Variants in NIFK observed in about 807,000 individuals in gnomAD.
NIFK encodes the protein MKI67 FHA domain-interacting nucleolar phosphoprotein.
NIFK carries 16 observed loss-of-function variants against 31.7 expected under a neutral mutation model. The observed-to-expected ratio is 0.50, with a 90% CI of 0.34 to 0.77. NIFK has a LOEUF of 0.77. Among genes scored for constraint, NIFK ranks in the 30% least tolerant of loss-of-function variants. The pLI, the probability that NIFK is intolerant of heterozygous loss-of-function variation, is 0.01. For missense variants in NIFK, 341 were observed against 350.4 expected (o/e 0.97, Z 0.21); for synonymous variants, 126 against 123.0 (o/e 1.02, Z -0.16).
In NIFK at chr2:121,728,530, G is replaced by A; in HGVS notation, c.571C>T (p.Gln191Ter). 1 of 1,569,226 alleles carries A rather than the reference G, an allele frequency of 6.4e-7. No individual in the cohort carries two copies. The highest frequency in any genetic ancestry group is 8.6e-7 in the Non-Finnish European group (1 of 1,156,834). The change falls in exon 5 of 7, where the codon CAG becomes TAG. Residue 191 changes from glutamine to a stop codon, truncating the protein, a stop_gained. Coordinates refer to ENST00000285814, the MANE Select transcript of NIFK (RefSeq NM_032390.5). LOFTEE classifies it high-confidence loss of function. Reference sequence around the variant, plus strand: ...GTTTTTGAAATACTTTCCGTTTTCTGTAAAATCTTTAATAAAGAAGTTAGA... The same window carrying A: ...GTTTTTGAAATACTTTCCGTTTTCTATAAAATCTTTAATAAAGAAGTTAGA... The part of the protein sequence containing the change: ...IDYDFPSLIL[Q>*]KTESISKTNR...
intron 2 of NIFK, among the ~76,000 whole-genome samples, chr2:121,732,793 C>T (rs986091939): frequency 2.6e-5 from 4 of 151,944 alleles, no homozygotes; most frequent in African/African-American, 9.7e-5. Flanking sequence ...CCAGCCTGGT[C>T]AACACGGTGA....
intron 1 of NIFK, among the ~76,000 whole-genome samples, chr2:121,735,999 A>G (rs2074576807): frequency 6.6e-6 from 1 of 152,252 alleles, no homozygotes; most frequent in Non-Finnish European, 1.5e-5. Context: ...ATCAACGGAT[A>G]AGCAAGGACA....
intron 2 of NIFK, among the ~76,000 whole-genome samples, chr2:121,734,606 C>A (rs1220341773): frequency 6.6e-6 from 1 of 152,056 alleles, no homozygotes; most frequent in African/African-American, 2.4e-5. Flanking sequence ...GCCTGGCCAA[C>A]ATAGTGAAAC....
chr2:121,735,812 C>T (rs1441933123), intron 1 of NIFK, 62 bp from the exon 2 acceptor site: 2 of 1,419,490 alleles, frequency 1.4e-6, no homozygotes, highest in African/African-American at 2.9e-5. Context: ...TGTAACAAAA[C>T]CCCTAGCCCT....
At chr2:121,732,791 G>A (rs1400184865) in intron 2 of NIFK, among the ~76,000 whole-genome samples, 1 of 152,102 alleles carries the variant, frequency 6.6e-6, no homozygotes, top group East Asian at 1.9e-4. Flanking sequence ...GACCAGCCTG[G>A]TCAACACGGT....
At chr2:121,735,013 T>G (rs1484952816) in intron 2 of NIFK, among the ~76,000 whole-genome samples, 1 of 152,180 alleles carries the variant, frequency 6.6e-6, no homozygotes, top group African/African-American at 2.4e-5. Context: ...AGAAAGTGGG[T>G]CACTCCTCCA....
chr2:121,727,954 C>T (rs772538838), intron 6 of NIFK, 42 bp from the exon 7 acceptor site: 2 of 1,516,690 alleles, frequency 1.3e-6, no homozygotes, highest in Admixed American at 2.4e-5. Flanking sequence ...AAATGTAAAA[C>T]ATGATTATGA....
intron 4 of NIFK, 167 bp downstream of exon 4, chr2:121,730,726 C>T (rs1217389383): frequency 1.7e-6 from 1 of 602,560 alleles, no homozygotes; most frequent in African/African-American, 2.0e-5. Context: ...CACCTGTAAT[C>T]CCAACTACTT....
intron 4 of NIFK, chr2:121,730,628 G>C: frequency 2.5e-6 from 1 of 397,310 alleles, no homozygotes; most frequent in Admixed American, 4.2e-5. Context: ...TGAATCACCT[G>C]AGGTCAGGAG....
In NIFK at chr2:121,727,901, T is replaced by C; in HGVS notation, c.705A>G (p.Pro235=). 1 of 1,597,902 alleles carries C rather than the reference T, an allele frequency of 6.3e-7. No homozygotes were observed. Among genetic ancestry groups the C allele is most frequent in the South Asian group, 1.2e-5 (1 of 86,836 alleles). Residue 235 remains proline, a synonymous_variant, in exon 7 of 7, where the codon CCA becomes CCG. Coordinates refer to ENST00000285814, the MANE Select transcript of NIFK (RefSeq NM_032390.5). ...EKTVDSQGPT[P]VCTPTFLERR... is the part of the protein sequence containing the mutation. ...TCTCCAAAAATGTTGGTGTACAAAC[T>C]GGTGTGGGGCCCTGGATTCAACAAG...
chr2:121,729,624 G>T (rs970510492), intron 4 of NIFK, among the ~76,000 whole-genome samples: 1 of 152,066 alleles, frequency 6.6e-6, no homozygotes, highest in Non-Finnish European at 1.5e-5. Context: ...GAGTGCAATG[G>T]TACAATCACA....
At chr2:121,734,775 C>G (rs900125797) in intron 2 of NIFK, among the ~76,000 whole-genome samples, 1 of 152,108 alleles carries the variant, frequency 6.6e-6, no homozygotes, top group Non-Finnish European at 1.5e-5. Flanking sequence ...GCCCGGGCGA[C>G]AGTGCAAGCC....
At chr2:121,729,693 T>C (rs914561231) in intron 4 of NIFK, among the ~76,000 whole-genome samples, 2 of 152,064 alleles carry the variant, frequency 1.3e-5, no homozygotes, top group South Asian at 4.1e-4. Context: ...GCCTCCTGAG[T>C]AGCAAGGACT....
chr2:121,730,663 G>A, intron 4 of NIFK: 1 of 482,028 alleles, frequency 2.1e-6, no homozygotes, highest in South Asian at 2.5e-5. Context: ...GGCCAACGTG[G>A]AGAAACCCCG....
Position 121,727,258 on chromosome 2 carries a change from T to G in NIFK, c.*466A>C. 2.8e-6 allele frequency: 1 copy of G among 356,052 alleles called. No homozygotes were observed. The highest frequency in any genetic ancestry group is 2.4e-5 in the South Asian group (1 of 42,016). The allele number at this position is 356,052 out of a possible 1,614,324, so 22.1% of individuals were successfully genotyped here. A position where few individuals can be genotyped will look rare whatever the true frequency, so the allele number is the denominator to read the frequency against. Reference sequence around the variant, plus strand: ...GCTAAAACTGGAACTGCCTTCTCACTCTACATATAATTAAACTTCCAGCTT... The same window carrying G: ...GCTAAAACTGGAACTGCCTTCTCACGCTACATATAATTAAACTTCCAGCTT... On this transcript the variant is annotated 3_prime_UTR_variant, in exon 7 of 7. Transcript: ENST00000285814.
intron 1 of NIFK, among the ~76,000 whole-genome samples, chr2:121,735,994 C>A (rs2074576758): frequency 6.6e-6 from 1 of 152,164 alleles, no homozygotes; most frequent in African/African-American, 2.4e-5. Context: ...TGTCAATCAA[C>A]GGATAAGCAA....
intron 2 of NIFK, 102 bp downstream of exon 2, chr2:121,735,511 G>A (rs1198683368): frequency 3.2e-6 from 4 of 1,256,944 alleles, no homozygotes; most frequent in African/African-American, 3.0e-5. Flanking sequence ...TTTTTGGAAT[G>A]AAATCTGATA....
intron 4 of NIFK, among the ~76,000 whole-genome samples, chr2:121,729,099 C>T (rs1212466002): frequency 6.6e-6 from 1 of 152,056 alleles, no homozygotes; most frequent in Non-Finnish European, 1.5e-5. Context: ...CAGTGGCTCA[C>T]GCCTACAATC....
chr2:121,728,265 TG>T, intron 6 of NIFK, 22 bp downstream of exon 6: 1 of 1,441,228 alleles, frequency 6.9e-7, no homozygotes, highest in Non-Finnish European at 9.6e-7. Flanking sequence ...ATCTGGTGTC[TG>T]GAGTATTGAA....
Sources: gnomAD v4.1 joint callset for allele counts (sites outside exome capture counted in the v4.1 genomes callset) on GRCh38, gnomAD v4.1.1 for gene constraint, MANE v1.5 for transcripts, NCBI Gene and HGNC (gene_info 2026-07-23, HGNC 2026-07-21) for gene names.